The following ZNF184 variants were observed in gnomAD, a reference collection of about 807,000 sequenced individuals.
ZNF184 encodes zinc finger protein 184, also known as zinc finger protein 184 (Kruppel-like).
ZNF184 carries 16 observed loss-of-function variants against 54.4 expected under a neutral mutation model. The observed-to-expected ratio is 0.29, with a 90% CI of 0.20 to 0.45. The LOEUF (loss-of-function observed/expected upper bound fraction) is 0.45. Ranked by LOEUF, ZNF184 falls within the 20% of genes least tolerant of loss-of-function variation. The pLI, the probability that ZNF184 is intolerant of heterozygous loss-of-function variation, is 1.00. For synonymous variants in ZNF184, 254 were observed against 295.3 expected (o/e 0.86, Z 1.43); for missense variants, 681 against 888.2 (o/e 0.77, Z 2.97).
Position 27,453,154 on chromosome 6 carries a change from A to G in ZNF184, c.405T>C (p.Ser135=). Residue 135 remains serine, a synonymous_variant, in exon 6 of 6, where the codon TCT becomes TCC. Transcript: ENST00000683788. This position sits in a 1 kb window ranked among gnomAD's most constrained non-coding sequence, Gnocchi z 4.7. ...AACTTTCTAGCAAGTTGGAACTCCA[A>G]GAATCATCTCTTTTGTGTTTTTCCA... The part of the protein sequence containing the change: ...VIVEKHKRDD[S]WSSNLLESWE... The G allele has an allele frequency of 6.2e-7, 1 of 1,614,090 alleles. No individual in the cohort carries two copies. Among genetic ancestry groups the G allele is most frequent in the Non-Finnish European group, 8.5e-7 (1 of 1,179,996 alleles).
chr6:27,410,845 G>A, the ZNF184 span, among the ~76,000 whole-genome samples: 1 of 152,072 alleles, frequency 6.6e-6, no homozygotes, highest in Non-Finnish European at 1.5e-5. Flanking sequence ...GGAGGTTTTT[G>A]ATCATGGTGG....
the ZNF184 span, among the ~76,000 whole-genome samples, chr6:27,416,600 T>C: frequency 6.6e-6 from 1 of 152,158 alleles, no homozygotes; most frequent in Non-Finnish European, 1.5e-5. Context: ...CCTCCCCTTA[T>C]TTTTCCCAAT....
chr6:27,434,644 C>A, the ZNF184 span, among the ~76,000 whole-genome samples: 174 of 152,236 alleles, frequency 1.1e-3, 1 homozygote, highest in East Asian at 0.029. Flanking sequence ...TCCTTTGATG[C>A]ACAAAAGTTA....
intron 3 of ZNF184, among the ~76,000 whole-genome samples, chr6:27,463,096 AG>A (rs1218541929): frequency 8.3e-6 from 1 of 120,656 alleles, no homozygotes; most frequent in African/African-American, 3.2e-5. Flanking sequence ...GGACACAGGA[AG>A]GGGAACATCA....
the ZNF184 span, chr6:27,405,357 C>T: frequency 6.6e-6 from 1 of 152,180 alleles, no homozygotes; most frequent in African/African-American, 2.4e-5. Flanking sequence ...ATCCTGACTG[C>T]CCCGCTGTCT....
the ZNF184 span, among the ~76,000 whole-genome samples, chr6:27,432,518 A>G: frequency 1.3e-5 from 2 of 152,310 alleles, no homozygotes; most frequent in African/African-American, 4.8e-5. This position sits in a 1 kb window ranked among gnomAD's most constrained non-coding sequence, Gnocchi z 4.0. Flanking sequence ...TTGTAGCACA[A>G]GTAACAAAAG....
chr6:27,437,524 C>T, the ZNF184 span, among the ~76,000 whole-genome samples: 11 of 152,292 alleles, frequency 7.2e-5, no homozygotes, highest in East Asian at 2.1e-3. Context: ...TGATCAACAC[C>T]TTGATTTAAG....
chr6:27,404,717 T>C, the ZNF184 span: 2 of 152,168 alleles, frequency 1.3e-5, no homozygotes, highest in Admixed American at 6.5e-5. Context: ...GCCAATCATA[T>C]AAAAGTATAG....
chr6:27,442,721 C>CAGAA, the ZNF184 span, among the ~76,000 whole-genome samples: 2 of 101,724 alleles, frequency 2.0e-5, no homozygotes, highest in Non-Finnish European at 4.0e-5. Context: ...GAAAGAAGGA[C>CAGAA]GGAAGGAAGG....
chr6:27,425,914 G>A, the ZNF184 span, among the ~76,000 whole-genome samples: 1 of 152,156 alleles, frequency 6.6e-6, no homozygotes. Context: ...TCCTTATCAA[G>A]ATCAGAGTTC....
intron 5 of ZNF184, among the ~76,000 whole-genome samples, chr6:27,454,262 C>T (rs2113713841): frequency 1.3e-5 from 2 of 152,276 alleles, no homozygotes; most frequent in South Asian, 4.1e-4. Flanking sequence ...AGCCCAGTCA[C>T]TATCACTACC....
chr6:27,419,572 A>AGATT, the ZNF184 span, among the ~76,000 whole-genome samples: 14 of 146,964 alleles, frequency 9.5e-5, no homozygotes, highest in Admixed American at 2.7e-4. This position sits in a 1 kb window ranked among gnomAD's most constrained non-coding sequence, Gnocchi z 4.8. Context: ...ATAGATAGAT[A>AGATT]GATTCATAAA....
At chr6:27,465,316 C>A (rs1436855709) in intron 3 of ZNF184, among the ~76,000 whole-genome samples, 1 of 150,890 alleles carries the variant, frequency 6.6e-6, no homozygotes, top group South Asian at 2.1e-4. Context: ...AACCCTGTCT[C>A]GACTAAAAAT....
At chr6:27,442,834 GAA>G in the ZNF184 span, among the ~76,000 whole-genome samples, 5 of 40,984 alleles carry the variant, frequency 1.2e-4, no homozygotes, top group African/African-American at 3.4e-4. Context: ...AAGAAAGAAA[GAA>G]AGAAAGAAAG....
the ZNF184 span, among the ~76,000 whole-genome samples, chr6:27,411,428 T>C: frequency 3.3e-5 from 5 of 152,196 alleles, no homozygotes; most frequent in Non-Finnish European, 7.4e-5. Context: ...AAGGGACCAG[T>C]GGCTACATTC....
Position 27,452,137 on chromosome 6 carries a change from G to T in ZNF184, c.1422C>A (p.Tyr474Ter). ...HLKIHTGEKP[Y>*]KCNECGKAFS... is the part of the protein sequence containing the mutation. ...AGGCCTTTCCACATTCATTGCATTT[G>T]TAAGGTTTTTCTCCAGTATGAATTT... The change falls in exon 6 of 6, where the codon TAC becomes TAA. Residue 474 changes from tyrosine (Y) to a stop codon, truncating the protein, a stop_gained. Transcript: ENST00000683788. LOFTEE classifies it high-confidence loss of function. This position sits in a 1 kb window ranked among gnomAD's most constrained non-coding sequence, Gnocchi z 5.5. The T allele has an allele frequency of 6.2e-7, 1 of 1,613,924 alleles. No individual in the cohort carries two copies. Among genetic ancestry groups the T allele is most frequent in the Non-Finnish European group, 8.5e-7 (1 of 1,179,960 alleles).
chr6:27,443,774 C>T, the ZNF184 span, among the ~76,000 whole-genome samples: 1 of 152,006 alleles, frequency 6.6e-6, no homozygotes, highest in African/African-American at 2.4e-5. Context: ...TTTCTAACTC[C>T]CTTCCCACCT....
the ZNF184 span, among the ~76,000 whole-genome samples, chr6:27,421,329 A>G: frequency 6.6e-6 from 1 of 152,226 alleles, no homozygotes; most frequent in South Asian, 2.1e-4. Context: ...CCTTTCTGGG[A>G]GCAGCTGGTA....
At chr6:27,433,730 A>G in the ZNF184 span, among the ~76,000 whole-genome samples, 18 of 152,138 alleles carry the variant, frequency 1.2e-4, no homozygotes, top group Non-Finnish European at 2.9e-5. Flanking sequence ...TTTGTTACCC[A>G]TTCAATTATT....
Sources: allele counts gnomAD v4.1 joint callset (sites outside exome capture counted in the v4.1 genomes callset), GRCh38; gene constraint gnomAD v4.1.1; non-coding constraint Gnocchi (gnomAD v3.1); transcripts MANE v1.5; gene names NCBI Gene and HGNC (gene_info 2026-07-23, HGNC 2026-07-21).